Variants in PTPRG observed in about 807,000 individuals in gnomAD.
The protein encoded by PTPRG is receptor-type tyrosine-protein phosphatase gamma.
PTPRG carries 102 observed loss-of-function variants against 165.3 expected under a neutral mutation model. The observed-to-expected ratio is 0.62, with a 90% confidence interval of 0.53 to 0.73. PTPRG has a LOEUF of 0.73. Among genes scored for constraint, PTPRG ranks in the 30% least tolerant of loss-of-function variants. The pLI is 0.00. For missense variants in PTPRG, 1,866 were observed against 1,861.4 expected (o/e 1.00, Z -0.05); for synonymous variants, 675 against 669.5 (o/e 1.01, Z -0.13).
intron 2 of PTPRG, among the ~76,000 whole-genome samples, chr3:61,893,075 T>C (rs908447313): frequency 1.3e-5 from 2 of 152,190 alleles, no homozygotes; most frequent in African/African-American, 2.4e-5. Flanking sequence ...GGGTGGCACG[T>C]CATTATCGTC....
At chr3:61,603,448 G>A (rs895328015) in intron 1 of PTPRG, among the ~76,000 whole-genome samples, 4 of 152,092 alleles carry the variant, frequency 2.6e-5, no homozygotes, top group African/African-American at 4.8e-5. Context: ...AGGCTTCACC[G>A]GAAGCCAAGT....
At chr3:61,866,478 A>G (rs1349848455) in intron 2 of PTPRG, among the ~76,000 whole-genome samples, 2 of 149,700 alleles carry the variant, frequency 1.3e-5, no homozygotes, top group East Asian at 2.0e-4. Context: ...GCAAGTCCCC[A>G]TTCTAGAATA....
chr3:61,705,216 T>A (rs555512076), intron 1 of PTPRG, among the ~76,000 whole-genome samples: 24 of 152,260 alleles, frequency 1.6e-4, no homozygotes, highest in African/African-American at 4.6e-4. Flanking sequence ...GAAATTAAGT[T>A]AGTGAAGATG....
intron 1 of PTPRG, among the ~76,000 whole-genome samples, chr3:61,605,282 G>A (rs887024549): frequency 6.6e-6 from 1 of 152,096 alleles, no homozygotes; most frequent in East Asian, 1.9e-4. Flanking sequence ...TTGATACAGA[G>A]TCTTGCTCTG....
chr3:61,743,010 C>T, intron 1 of PTPRG: 1 of 1,557,886 alleles, frequency 6.4e-7, no homozygotes, highest in Non-Finnish European at 8.9e-7. Context: ...TGATCTGCAA[C>T]TCCACCGTCT....
chr3:61,944,536 A>G (rs1018911294), intron 2 of PTPRG, among the ~76,000 whole-genome samples: 30 of 152,154 alleles, frequency 2.0e-4, no homozygotes, highest in East Asian at 1.9e-4. Context: ...GAAGAGCTCT[A>G]TGACTTTATC....
chr3:62,004,404 G>T (rs1409187538), intron 4 of PTPRG, among the ~76,000 whole-genome samples: 1 of 152,142 alleles, frequency 6.6e-6, no homozygotes, highest in Non-Finnish European at 1.5e-5. Context: ...TTTTATTTGA[G>T]TTCCTTCCTC....
chr3:61,825,815 T>TTTG (rs34211620), intron 2 of PTPRG, among the ~76,000 whole-genome samples: 46,773 of 151,438 alleles, frequency 0.31, 7,365 homozygotes, highest in East Asian at 0.5. Context: ...CCAGCTACTT[T>TTTG]TTGTTGTTGT....
At chr3:62,108,220 G>A (rs1320533385) in intron 5 of PTPRG, among the ~76,000 whole-genome samples, 10 of 136,168 alleles carry the variant, frequency 7.3e-5, no homozygotes, top group South Asian at 5.4e-4. Flanking sequence ...AACAGGCCCC[G>A]GTGTGTGATA....
chr3:61,698,890 A>G (rs151273717), intron 1 of PTPRG, among the ~76,000 whole-genome samples: 2 of 152,256 alleles, frequency 1.3e-5, no homozygotes, highest in East Asian at 1.9e-4. Context: ...GAAACTGGAA[A>G]CCATCATTCT....
rs548173240 is a variant in PTPRG, at chr3:62,254,032, G to T, written c.2468-1092G>T. 5.9e-5 allele frequency among the ~76,000 whole-genome samples: 9 copies of T among 152,136 alleles called. No homozygotes were observed. The highest frequency in any genetic ancestry group is 8.8e-5 in the Non-Finnish European group (6 of 68,030). ...AGCCACCCTAGAGCTTTGCTCTCTCGAAAGAAAGAAGGAATGACATAGTCA... is the reference window on the plus strand; with the variant it reads ...AGCCACCCTAGAGCTTTGCTCTCTCTAAAGAAAGAAGGAATGACATAGTCA... On this transcript the variant is annotated intron_variant, in intron 15 of 29. Transcript: ENST00000474889. The surrounding 1 kb of genome is among the most constrained non-coding windows in gnomAD (Gnocchi z 4.6).
At chr3:61,709,634 A>T (rs189126589) in intron 1 of PTPRG, among the ~76,000 whole-genome samples, 1 of 152,168 alleles carries the variant, frequency 6.6e-6, no homozygotes, top group Admixed American at 6.6e-5. Flanking sequence ...TGCATTTTAA[A>T]TGGTTCCATA....
chr3:62,281,622 T>G lies in PTPRG; in HGVS notation c.3825T>G (p.Phe1275Leu). 6.3e-7 allele frequency: 1 copy of G among 1,581,678 alleles called. No homozygotes were observed. The highest frequency in any genetic ancestry group is 8.6e-7 in the Non-Finnish European group (1 of 1,162,480). ...AAGAATCCATGAACTGTGAGGCCTT[T>G]ACCGTCACCCTTATCAGCAAAGACA... is the stretch of plus-strand genomic sequence containing the variant. ...SREESMNCEA[F>L]TVTLISKDRL... The change falls in exon 27 of 30, where the codon TTT becomes TTG. Residue 1275 changes from phenylalanine to leucine, a missense_variant. Physicochemically the swap from Phe to Leu is conservative, Grantham distance 22. Around this residue, in one of 3 missense-constraint regions of PTPRG, gnomAD observed 1,452 missense variants for 1,463.0 expected, o/e 0.99. Coordinates refer to ENST00000474889, the MANE Select transcript of PTPRG (RefSeq NM_002841.4).
chr3:61,873,818 G>A (rs1421839267), intron 2 of PTPRG, among the ~76,000 whole-genome samples: 1 of 151,790 alleles, frequency 6.6e-6, no homozygotes, highest in Non-Finnish European at 1.5e-5. Context: ...GGGCTCTGAG[G>A]CTGCCTTTCT....
chr3:61,884,185 G>A (rs925192822), intron 2 of PTPRG, among the ~76,000 whole-genome samples: 9 of 151,980 alleles, frequency 5.9e-5, no homozygotes, highest in Middle Eastern at 3.2e-3. Context: ...TCCCCCTTTC[G>A]AAACCTAGCT....
At position 62,267,614 on chromosome 3, in the gene PTPRG, G is replaced by T. The variant is rs903123173; in HGVS notation, c.2740-71G>T. ...AAAACAAAGCCCATTCAATATGGAAGGCATTTGAATTATTGACTGGTCTTC... is the reference window on the plus strand; with the variant it reads ...AAAACAAAGCCCATTCAATATGGAATGCATTTGAATTATTGACTGGTCTTC... On this transcript the variant is annotated intron_variant, in intron 18 of 29. Coordinates refer to ENST00000474889, the MANE Select transcript of PTPRG (RefSeq NM_002841.4). The T allele has an allele frequency of 8.4e-6, 13 of 1,552,068 alleles. No individual in the cohort carries two copies. The African/African-American group carries it at 1.8e-4, about 21-fold the overall frequency.
At chr3:62,096,768 C>CA (rs1263147277) in intron 5 of PTPRG, among the ~76,000 whole-genome samples, 2 of 152,200 alleles carry the variant, frequency 1.3e-5, no homozygotes, top group Non-Finnish European at 2.9e-5. Flanking sequence ...CTCAGAGTTT[C>CA]AGGACAGATT....
intron 2 of PTPRG, among the ~76,000 whole-genome samples, chr3:61,755,227 C>T (rs571360092): frequency 2.0e-5 from 3 of 152,134 alleles, no homozygotes; most frequent in Admixed American, 6.5e-5. Flanking sequence ...AGGCTGGTCT[C>T]GAACTCCTGA....
intron 1 of PTPRG, among the ~76,000 whole-genome samples, chr3:61,663,768 A>G (rs554580159): frequency 2.6e-5 from 4 of 152,170 alleles, no homozygotes; most frequent in Non-Finnish European, 5.9e-5. Context: ...TTAGAGCCTC[A>G]TAAGGAGCGG....
Sources: allele counts gnomAD v4.1 joint callset (sites outside exome capture counted in the v4.1 genomes callset), GRCh38; gene constraint gnomAD v4.1.1; regional missense constraint gnomAD v4.1.1; non-coding constraint Gnocchi (gnomAD v3.1); transcripts MANE v1.5; gene names NCBI Gene and HGNC (gene_info 2026-07-23, HGNC 2026-07-21).